NCAM2: variants seen among roughly 807,000 people sequenced by gnomAD.
NCAM2 encodes neural cell adhesion molecule 2, also known as N-CAM-2.
In NCAM2, 30 loss-of-function variants were observed where a neutral mutation model predicts 98.1. The ratio of observed to expected loss-of-function variants is 0.31; its 90% CI spans 0.23 to 0.41. The LOEUF is 0.41. Among genes scored for constraint, NCAM2 ranks in the 10% least tolerant of loss-of-function variants. The pLI is 1.00. For missense variants in NCAM2, 867 were observed against 1,005.8 expected, an observed-to-expected ratio of 0.86 and a Z score of 1.87; for synonymous variants, 368 against 342.4, an observed-to-expected ratio of 1.07 and a Z score of -0.83.
intron 8 of NCAM2, among the ~76,000 whole-genome samples, chr21:21,352,216 C>T (rs529895573): frequency 6.6e-6 from 1 of 152,222 alleles, no homozygotes; most frequent in East Asian, 1.9e-4. Context: ...AGGCACATGC[C>T]ACCATGACTA....
chr21:21,126,626 C>G (rs562412211), intron 1 of NCAM2, among the ~76,000 whole-genome samples: 1 of 151,874 alleles, frequency 6.6e-6, no homozygotes, highest in Non-Finnish European at 1.5e-5. Flanking sequence ...TTTGTTGAAG[C>G]ACACTTAATA....
chr21:21,358,437 C>T (rs752478356), intron 8 of NCAM2, among the ~76,000 whole-genome samples: 20 of 146,758 alleles, frequency 1.4e-4, no homozygotes, highest in Non-Finnish European at 2.9e-4. Flanking sequence ...GAGATCCTGT[C>T]TTTGAAATTA....
chr21:21,330,629 AT>A (rs1357863992), intron 6 of NCAM2, among the ~76,000 whole-genome samples: 3 of 151,954 alleles, frequency 2.0e-5, no homozygotes, highest in African/African-American at 7.2e-5. Context: ...AGTCTTCTAT[AT>A]TTTTTTGTAA....
chr21:21,459,229 A>T (rs906685617), intron 12 of NCAM2, among the ~76,000 whole-genome samples: 6 of 152,054 alleles, frequency 3.9e-5, no homozygotes, highest in Non-Finnish European at 7.4e-5. Context: ...AAACGGTAAC[A>T]GTGTACACTT....
At chr21:21,386,297 G>GA (rs2076270363) in intron 9 of NCAM2, among the ~76,000 whole-genome samples, 1 of 152,120 alleles carries the variant, frequency 6.6e-6, no homozygotes. Context: ...TTAGAAATTA[G>GA]AAAAATTCCT....
chr21:21,391,779 A>G (rs1043264581), intron 9 of NCAM2, among the ~76,000 whole-genome samples: 9 of 150,082 alleles, frequency 6.0e-5, no homozygotes, highest in African/African-American at 2.2e-4. Flanking sequence ...AATTCTTCAC[A>G]TGCAACAGAA....
chr21:21,363,295 T>C (rs1365259589), intron 8 of NCAM2, among the ~76,000 whole-genome samples: 2 of 152,146 alleles, frequency 1.3e-5, no homozygotes, highest in African/African-American at 4.8e-5. Context: ...CCTCTTTCTA[T>C]GTTACTGGAA....
At chr21:21,260,126 A>G (rs535159083) in intron 1 of NCAM2, among the ~76,000 whole-genome samples, 1 of 151,950 alleles carries the variant, frequency 6.6e-6, no homozygotes, top group African/African-American at 2.4e-5. Context: ...CAATTTTACA[A>G]ATTAACCCAG....
intron 11 of NCAM2, among the ~76,000 whole-genome samples, chr21:21,423,186 C>A (rs1035075810): frequency 2.6e-5 from 4 of 152,130 alleles, no homozygotes; most frequent in Non-Finnish European, 5.9e-5. Flanking sequence ...AAGTCACCTT[C>A]TCTTGGGCAA....
chr21:21,479,113 G>A (rs1022596475), intron 15 of NCAM2, among the ~76,000 whole-genome samples: 22 of 152,032 alleles, frequency 1.4e-4, no homozygotes, highest in African/African-American at 5.3e-4. Flanking sequence ...TTTTAATTTA[G>A]TGTATATATT....
intron 1 of NCAM2, among the ~76,000 whole-genome samples, chr21:21,156,045 G>A (rs944124942): frequency 1.3e-5 from 2 of 151,892 alleles, no homozygotes; most frequent in Admixed American, 6.6e-5. Context: ...TAGTCATACT[G>A]TCTGCTTCCT....
chr21:21,182,048 A>G (rs2068494550), intron 1 of NCAM2, among the ~76,000 whole-genome samples: 1 of 151,924 alleles, frequency 6.6e-6, no homozygotes, highest in Non-Finnish European at 1.5e-5. Flanking sequence ...AAAAAAACAA[A>G]TAAAAATATT....
Position 21,028,115 on chromosome 21 carries a change from G to A in NCAM2, c.55+29497G>A, listed in dbSNP as rs143811273. ...CGACCTCAGGTGATCTGCCCGCCTC[G>A]GCCTCCCAAACTGCTGGGATTACAG... On this transcript the variant is annotated intron_variant, in intron 1 of 17. Transcript: ENST00000400546. Among the ~76,000 whole-genome samples, 688 of 152,018 alleles carry A rather than the reference G, an allele frequency of 4.5e-3. 10 individuals carry two copies. The highest frequency in any genetic ancestry group is 0.016 in the African/African-American group (674 of 41,456).
chr21:21,216,880 G>C (rs963230220), intron 1 of NCAM2, among the ~76,000 whole-genome samples: 2 of 152,154 alleles, frequency 1.3e-5, no homozygotes, highest in Admixed American at 1.3e-4. Context: ...TAAAAGAAAA[G>C]AAAATCACAA....
chr21:21,452,228 T>C (rs13049390), intron 12 of NCAM2, among the ~76,000 whole-genome samples: 6 of 151,058 alleles, frequency 4.0e-5, no homozygotes, highest in African/African-American at 1.5e-4. Flanking sequence ...ATATATTATA[T>C]ACACACATAT....
chr21:20,998,608 T>G lies in NCAM2; in HGVS notation c.45T>G (p.Ser15Arg), dbSNP rs1305549363. ...TCTACCTGCTGGGGTTGCTTGTCAGTAGCGGGCAAGGTAGGAGTGTGGCGC... is the reference window on the plus strand; with the variant it reads ...TCTACCTGCTGGGGTTGCTTGTCAGGAGCGGGCAAGGTAGGAGTGTGGCGC... ...LSFYLLGLLV[S>R]SGQALLQVTI... Residue 15 changes from serine to arginine, a missense_variant, in exon 1 of 18, where the codon AGT becomes AGG. Transcript: ENST00000400546. The G allele has an allele frequency of 6.2e-7, 1 of 1,614,062 alleles. No individual in the cohort carries two copies. Among genetic ancestry groups the G allele is most frequent in the Non-Finnish European group, 8.5e-7 (1 of 1,179,948 alleles).
chr21:21,164,171 A>T (rs1045686974), intron 1 of NCAM2, among the ~76,000 whole-genome samples: 1 of 152,184 alleles, frequency 6.6e-6, no homozygotes, highest in Non-Finnish European at 1.5e-5. Flanking sequence ...GGGCAAACTC[A>T]GCCTTATTTT....
chr21:21,028,660 C>T (rs574725799), intron 1 of NCAM2, among the ~76,000 whole-genome samples: 186 of 152,252 alleles, frequency 1.2e-3, no homozygotes, highest in African/African-American at 4.3e-3. Context: ...TGCAGAATTA[C>T]GCAAGACAAA....
At chr21:21,371,545 C>T (rs1011197890) in intron 8 of NCAM2, among the ~76,000 whole-genome samples, 1 of 151,726 alleles carries the variant, frequency 6.6e-6, no homozygotes, top group Non-Finnish European at 1.5e-5. Flanking sequence ...TGTGCGTATT[C>T]TTGCTTCTCT....
Sources: gnomAD v4.1 joint callset for allele counts (sites outside exome capture counted in the v4.1 genomes callset) on GRCh38, gnomAD v4.1.1 for gene constraint, MANE v1.5 for transcripts, NCBI Gene and HGNC (gene_info 2026-07-23, HGNC 2026-07-21) for gene names.